NEK6: variants seen among roughly 807,000 people sequenced by gnomAD.
NEK6 encodes NIMA related kinase 6.
In NEK6, 27 loss-of-function variants were observed where a neutral mutation model predicts 43.5. The ratio of observed to expected loss-of-function variants is 0.62; its 90% CI spans 0.46 to 0.86. The LOEUF (loss-of-function observed/expected upper bound fraction) is 0.86, where lower values mean the gene tolerates loss of function less well. Among genes scored for constraint, NEK6 ranks in the 40% least tolerant of loss-of-function variants. NEK6 has a pLI of 0.00. For missense variants in NEK6, 318 were observed against 414.4 expected, an observed-to-expected ratio of 0.77 and a Z score of 2.02; for synonymous variants, 167 against 164.1, an observed-to-expected ratio of 1.02 and a Z score of -0.14.
At position 124,336,055 on chromosome 9, in the gene NEK6, G is replaced by A. The variant is rs548322161; in HGVS notation, c.623-3516G>A. ...AGAGTTTGAGACCAGCCTGGCCAACGTGGTAAAACCCATCTTTACTAAAAA... is the reference window on the plus strand; with the variant it reads ...AGAGTTTGAGACCAGCCTGGCCAACATGGTAAAACCCATCTTTACTAAAAA... On this transcript the variant is annotated intron_variant, in intron 7 of 9. Coordinates refer to ENST00000320246, the MANE Select transcript of NEK6 (RefSeq NM_014397.6). Among the ~76,000 whole-genome samples, 358 of 152,140 alleles carry A rather than the reference G, an allele frequency of 2.4e-3. 1 individual carries two copies. The highest frequency in any genetic ancestry group is 8.6e-3 in the African/African-American group (355 of 41,490).
At chr9:124,292,132 C>G in intron 1 of NEK6, 1 of 1,168,922 alleles carries the variant, frequency 8.6e-7, no homozygotes, top group Middle Eastern at 3.8e-4. Context: ...ACCGCTTGCT[C>G]TTAGGGGTGT....
At chr9:124,267,899 G>C (rs1380757633) in intron 1 of NEK6, among the ~76,000 whole-genome samples, 5 of 152,218 alleles carry the variant, frequency 3.3e-5, no homozygotes, top group Admixed American at 3.3e-4. Context: ...TGTGTCTTCA[G>C]ACATTGATCA....
chr9:124,258,343 G>T (rs1037887478), intron 1 of NEK6: 169 of 985,172 alleles, frequency 1.7e-4, no homozygotes, highest in Non-Finnish European at 2.0e-4. Flanking sequence ...ACCCCGGAGC[G>T]TCTGGTGGCG....
At chr9:124,308,871 G>A (rs1833399071) in intron 2 of NEK6, among the ~76,000 whole-genome samples, 1 of 152,248 alleles carries the variant, frequency 6.6e-6, no homozygotes, top group South Asian at 2.1e-4. Context: ...GTGCCTGTGT[G>A]TGGACGACCA....
intron 9 of NEK6, among the ~76,000 whole-genome samples, chr9:124,349,593 A>G (rs1160314739): frequency 3.3e-5 from 5 of 152,260 alleles, no homozygotes; most frequent in African/African-American, 9.6e-5. Flanking sequence ...AAATGAAAAT[A>G]AGACACTTTT....
intron 1 of NEK6, among the ~76,000 whole-genome samples, chr9:124,283,646 C>T (rs1255958709): frequency 1.3e-5 from 2 of 152,200 alleles, no homozygotes; most frequent in African/African-American, 4.8e-5. Context: ...ACTTCCTGAA[C>T]CTCCCCTCTG....
At chr9:124,344,451 C>T (rs1829811582) in intron 8 of NEK6, among the ~76,000 whole-genome samples, 1 of 152,226 alleles carries the variant, frequency 6.6e-6, no homozygotes, top group Non-Finnish European at 1.5e-5. Flanking sequence ...CGCACCTGGC[C>T]CTCGGGTGGG....
At chr9:124,278,133 C>T (rs915856136) in intron 1 of NEK6, among the ~76,000 whole-genome samples, 2 of 152,308 alleles carry the variant, frequency 1.3e-5, no homozygotes, top group South Asian at 2.1e-4. Flanking sequence ...TCATTACTGT[C>T]GACTGCAGTA....
chr9:124,326,952 TG>T lies in NEK6; in HGVS notation c.515-380del, dbSNP rs1334984983. Among the ~76,000 whole-genome samples the T allele has an allele frequency of 3.3e-5, 5 of 152,126 alleles. No individual in the cohort carries two copies. Among genetic ancestry groups the T allele is most frequent in the African/African-American group, 7.2e-5 (3 of 41,444 alleles). ...GCTGTATTGGAGGCCCCGCCCTCACTGGGGGGTACGGCACTGGGTGCTCCAC... is the reference window on the plus strand; with the variant it reads ...GCTGTATTGGAGGCCCCGCCCTCACTGGGGGTACGGCACTGGGTGCTCCAC... On this transcript the variant is annotated intron_variant, in intron 6 of 9. Transcript: ENST00000320246. This position sits in a 1 kb window ranked among gnomAD's most constrained non-coding sequence, Gnocchi z 4.5.
At position 124,287,290 on chromosome 9, in the gene NEK6, C is replaced by G. The variant is rs541575782; in HGVS notation, c.-29-14646C>G. Reference sequence around the variant, plus strand: ...TACCCTGGCACCAGCAGGGGCCAGCCTGGTTGGGCCTGGGAATTCAGAGAT... The same window carrying G: ...TACCCTGGCACCAGCAGGGGCCAGCGTGGTTGGGCCTGGGAATTCAGAGAT... On this transcript the variant is annotated intron_variant, in intron 1 of 9. Coordinates refer to ENST00000320246, the MANE Select transcript of NEK6 (RefSeq NM_014397.6). Among the ~76,000 whole-genome samples, 4 of 152,342 alleles carry G rather than the reference C, an allele frequency of 2.6e-5. No homozygotes were observed. The South Asian group carries it at 8.3e-4, about 32-fold the overall frequency.
intron 8 of NEK6, among the ~76,000 whole-genome samples, chr9:124,342,496 T>C (rs3780201): frequency 0.48 from 73,208 of 152,128 alleles, 18,399 homozygotes; most frequent in Non-Finnish European, 0.56. Flanking sequence ...CACCTTGTCA[T>C]AGTGAGGAAG....
At chr9:124,328,707 C>T (rs908116484) in intron 7 of NEK6, among the ~76,000 whole-genome samples, 2 of 152,224 alleles carry the variant, frequency 1.3e-5, no homozygotes, top group African/African-American at 4.8e-5. Flanking sequence ...TGTCACTGTT[C>T]ATACAGGTTC....
intron 8 of NEK6, among the ~76,000 whole-genome samples, chr9:124,341,470 G>C (rs901090633): frequency 3.7e-5 from 3 of 81,428 alleles, no homozygotes; most frequent in Non-Finnish European, 8.9e-5. Context: ...AGCAGATGCG[G>C]GTGACAAGAG....
chr9:124,273,601 A>G (rs1358975439), intron 1 of NEK6, among the ~76,000 whole-genome samples: 2 of 152,148 alleles, frequency 1.3e-5, no homozygotes, highest in Non-Finnish European at 2.9e-5. Flanking sequence ...AATGTTTCCA[A>G]AGTTGTCCCG....
At chr9:124,322,031 C>CTT in intron 5 of NEK6, among the ~76,000 whole-genome samples, 1 of 152,202 alleles carries the variant, frequency 6.6e-6, no homozygotes, top group Non-Finnish European at 1.5e-5. Flanking sequence ...TCTTGTAGAT[C>CTT]CACTACCTCA....
At chr9:124,259,418 C>CGGACTCAGCGAGTTT (rs888908477) in intron 1 of NEK6, 1 of 152,086 alleles carries the variant, frequency 6.6e-6, no homozygotes, top group Non-Finnish European at 1.5e-5. Flanking sequence ...GCGCCTGCCC[C>CGGACTCAGCGAGTTT]GGACTCAGCG....
chr9:124,280,970 G>C (rs1213222839), intron 1 of NEK6, among the ~76,000 whole-genome samples: 2 of 151,980 alleles, frequency 1.3e-5, no homozygotes. Context: ...TGTATTTTTT[G>C]TGGAGATGGG....
rs1373972359 is a variant in NEK6 at position 124,278,475 on chromosome 9, C to G, written c.-30+20390C>G. Among the ~76,000 whole-genome samples the G allele has an allele frequency of 2.0e-5, 3 of 152,242 alleles. No individual in the cohort carries two copies. The East Asian group carries it at 5.8e-4, about 29-fold the overall frequency. On this transcript the variant is annotated intron_variant, in intron 1 of 9. Coordinates refer to ENST00000320246, the MANE Select transcript of NEK6 (RefSeq NM_014397.6). ...CGTTTTCCGTGGAGGAGAAGTTGCT[C>G]AAGAAGATGAGCCCAGGCTAGCCCA...
chr9:124,341,282 G>C (rs980244195), intron 8 of NEK6, among the ~76,000 whole-genome samples: 2 of 152,222 alleles, frequency 1.3e-5, no homozygotes, highest in African/African-American at 4.8e-5. Context: ...TTATAAGCCA[G>C]TGACCTGCTA....
Sources: gnomAD v4.1 joint callset for allele counts (sites outside exome capture counted in the v4.1 genomes callset) on GRCh38, gnomAD v4.1.1 for gene constraint, Gnocchi (gnomAD v3.1) non-coding constraint, MANE v1.5 for transcripts, NCBI Gene and HGNC (gene_info 2026-07-23, HGNC 2026-07-21) for gene names.